Variants in RASAL2 observed in about 807,000 individuals in gnomAD.
RASAL2 encodes the protein ras GTPase-activating protein nGAP.
In RASAL2, 58 loss-of-function variants were observed where a neutral mutation model predicts 128.9. That is an observed-to-expected ratio of 0.45 (90% CI 0.36 to 0.56). The LOEUF (loss-of-function observed/expected upper bound fraction) is 0.56, where lower values mean the gene tolerates loss of function less well. Ranked by LOEUF, RASAL2 falls within the 20% of genes least tolerant of loss-of-function variation. RASAL2 has a pLI of 0.00. For missense variants in RASAL2, 1,360 were observed against 1,601.6 expected, an observed-to-expected ratio of 0.85 and a Z score of 2.57; for synonymous variants, 561 against 580.8, an observed-to-expected ratio of 0.97 and a Z score of 0.49.
At chr1:178,361,774 T>C (rs868035246) in intron 3 of RASAL2, among the ~76,000 whole-genome samples, 2 of 152,046 alleles carry the variant, frequency 1.3e-5, no homozygotes. Flanking sequence ...CTATTATTAT[T>C]ACATTGTAAT....
intron 1 of RASAL2, among the ~76,000 whole-genome samples, chr1:178,200,360 G>A (rs1214026409): frequency 4.6e-5 from 7 of 152,170 alleles, no homozygotes; most frequent in Non-Finnish European, 7.3e-5. Context: ...AAATAAATGC[G>A]TTTGACATTC....
At chr1:178,350,620 A>C (rs1670415145) in intron 3 of RASAL2, among the ~76,000 whole-genome samples, 1 of 151,822 alleles carries the variant, frequency 6.6e-6, no homozygotes, top group Non-Finnish European at 1.5e-5. Flanking sequence ...GCCAGACCAC[A>C]CTCGTATCTG....
At chr1:178,464,831 G>GTTTTTTTTTTTTT (rs986789340) in intron 15 of RASAL2, among the ~76,000 whole-genome samples, 35 of 38,198 alleles carry the variant, frequency 9.2e-4, no homozygotes, top group African/African-American at 1.7e-3. Flanking sequence ...GGTTTTAGTT[G>GTTTTTTTTTTTTT]TTTTTTTTTT....
At chr1:178,387,356 GA>G (rs1672636806) in intron 3 of RASAL2, among the ~76,000 whole-genome samples, 1 of 151,066 alleles carries the variant, frequency 6.6e-6, no homozygotes, top group Admixed American at 6.6e-5. Context: ...CCATAATACA[GA>G]AAGAGAATTT....
rs947632439 is a variant in RASAL2, at chr1:178,094,384, C to G, written c.-109C>G. ...TCCGCGCCGGCTGCCGCTCGGGTCC[C>G]TGCCCTCGCTGCGCGCTCTCCTCCT... On this transcript the variant is annotated 5_prime_UTR_variant, in exon 1 of 18. Coordinates refer to ENST00000367649, the MANE Select transcript of RASAL2 (RefSeq NM_170692.4). 9.2e-7 allele frequency: 1 copy of G among 1,091,740 alleles called. No homozygotes were observed. The allele number at this position is 1,091,740 out of a possible 1,614,324, so 67.6% of individuals were successfully genotyped here.
intron 1 of RASAL2, among the ~76,000 whole-genome samples, chr1:178,209,742 T>C (rs1479166279): frequency 6.6e-6 from 1 of 152,098 alleles, no homozygotes; most frequent in Non-Finnish European, 1.5e-5. Flanking sequence ...TCTTGGACTC[T>C]TATTAATCAG....
At chr1:178,448,947 A>C (rs1052446651) in intron 9 of RASAL2, among the ~76,000 whole-genome samples, 1 of 152,206 alleles carries the variant, frequency 6.6e-6, no homozygotes, top group Non-Finnish European at 1.5e-5. Flanking sequence ...TTTATAATCC[A>C]AGAGCAAGGG....
intron 4 of RASAL2, among the ~76,000 whole-genome samples, chr1:178,398,617 T>A (rs1279616362): frequency 1.3e-5 from 2 of 152,216 alleles, no homozygotes; most frequent in Non-Finnish European, 2.9e-5. Context: ...GTCCTCTGTA[T>A]TGTACTATGG....
intron 1 of RASAL2, among the ~76,000 whole-genome samples, chr1:178,169,383 A>G (rs1026701299): frequency 6.6e-6 from 1 of 152,176 alleles, no homozygotes; most frequent in African/African-American, 2.4e-5. Flanking sequence ...TCTCTTTTAG[A>G]TAAGATATAT....
intron 3 of RASAL2, among the ~76,000 whole-genome samples, chr1:178,342,351 T>C (rs1669926463): frequency 6.6e-6 from 1 of 152,226 alleles, no homozygotes. Context: ...ATTGTCAGTT[T>C]AACGTGTTTT....
intron 2 of RASAL2, among the ~76,000 whole-genome samples, chr1:178,291,424 G>T (rs1424421692): frequency 1.3e-5 from 2 of 152,038 alleles, no homozygotes; most frequent in Non-Finnish European, 2.9e-5. Flanking sequence ...GAAGTGAAAG[G>T]GATTAGAAGC....
At chr1:178,468,957 T>C (rs1647999618) in intron 17 of RASAL2, among the ~76,000 whole-genome samples, 1 of 152,194 alleles carries the variant, frequency 6.6e-6, no homozygotes, top group Non-Finnish European at 1.5e-5. Context: ...GAGATGTTAG[T>C]ACTAAGAGAT....
intron 4 of RASAL2, among the ~76,000 whole-genome samples, chr1:178,413,380 G>T (rs1160095793): frequency 3.9e-5 from 6 of 152,210 alleles, no homozygotes; most frequent in African/African-American, 9.6e-5. Flanking sequence ...CCTAAGTGGG[G>T]TGGGTGGGGT....
At chr1:178,274,163 T>C (rs1666386960) in intron 1 of RASAL2, among the ~76,000 whole-genome samples, 1 of 152,202 alleles carries the variant, frequency 6.6e-6, no homozygotes, top group African/African-American at 2.4e-5. Context: ...TAGCCTGCCT[T>C]CTTCTGCTTT....
chr1:178,358,700 C>T (rs1276932106), intron 3 of RASAL2, among the ~76,000 whole-genome samples: 1 of 152,064 alleles, frequency 6.6e-6, no homozygotes, highest in Admixed American at 6.6e-5. Flanking sequence ...TTTCATATAT[C>T]CTGCTGGTGG....
At chr1:178,162,880 CT>C (rs1661382949) in intron 1 of RASAL2, among the ~76,000 whole-genome samples, 2 of 151,790 alleles carry the variant, frequency 1.3e-5, no homozygotes, top group Admixed American at 1.3e-4. Context: ...CTGTGCCCAG[CT>C]GAGATTTCTT....
At chr1:178,280,802 T>C (rs905922289) in intron 1 of RASAL2, among the ~76,000 whole-genome samples, 3 of 152,116 alleles carry the variant, frequency 2.0e-5, no homozygotes, top group African/African-American at 7.2e-5. Context: ...GTTATTCTTT[T>C]CTCTAGTGAA....
At chr1:178,439,869 A>G (rs555872408) in intron 6 of RASAL2, among the ~76,000 whole-genome samples, 1 of 152,026 alleles carries the variant, frequency 6.6e-6, no homozygotes, top group South Asian at 2.1e-4. Context: ...TTACATTACT[A>G]TGTTAATTTT....
At chr1:178,313,003 A>G (rs1037098366) in intron 3 of RASAL2, among the ~76,000 whole-genome samples, 26 of 152,166 alleles carry the variant, frequency 1.7e-4, no homozygotes, top group African/African-American at 6.3e-4. Flanking sequence ...AGGTGAAGTA[A>G]CTTGCCTAAA....
Sources: allele counts gnomAD v4.1 joint callset (sites outside exome capture counted in the v4.1 genomes callset), GRCh38; gene constraint gnomAD v4.1.1; transcripts MANE v1.5; gene names NCBI Gene and HGNC (gene_info 2026-07-23, HGNC 2026-07-21).